The following LARS2 variants were observed in gnomAD, a reference collection of about 807,000 sequenced individuals.
LARS2 encodes the protein leucyl-tRNA synthetase 2, mitochondrial.
In LARS2, 81 loss-of-function variants were observed where a neutral mutation model predicts 116.6. The observed-to-expected ratio is 0.69, with a 90% CI of 0.58 to 0.84. The LOEUF (loss-of-function observed/expected upper bound fraction) is 0.84, where lower values mean the gene tolerates loss of function less well. Among genes scored for constraint, LARS2 ranks in the 40% least tolerant of loss-of-function variants. The pLI, the probability that LARS2 is intolerant of heterozygous loss-of-function variation, is 0.00. For synonymous variants in LARS2, 396 were observed against 407.2 expected, an observed-to-expected ratio of 0.97 and a Z score of 0.33; for missense variants, 968 against 1,114.5, an observed-to-expected ratio of 0.87 and a Z score of 1.87.
chr3:45,476,489 GA>G lies in LARS2; in HGVS notation c.884del (p.Lys295SerfsTer2). On this transcript the variant is annotated frameshift_variant, in exon 10 of 22. Coordinates refer to ENST00000645846, the MANE Select transcript of LARS2 (RefSeq NM_015340.4). LOFTEE classifies it high-confidence loss of function. ...TLKVHGQATG[E>X]KLTAYTATPE... ...CCAGGTTCATGGGCAAGCCACGGGC[GA>G]AAAGCTGACTGCCTATACGGCCACC... is the stretch of plus-strand genomic sequence containing the variant. The G allele has an allele frequency of 6.2e-7, 1 of 1,614,178 alleles. No homozygotes were observed. The highest frequency in any genetic ancestry group is 8.5e-7 in the Non-Finnish European group (1 of 1,180,014).
intron 7 of LARS2, 80 bp from the exon 8 acceptor site, chr3:45,458,663 G>GGCGACAGT: frequency 6.9e-7 from 1 of 1,458,034 alleles, no homozygotes. Context: ...CTCTAGCCCG[G>GGCGACAGT]GCGACAGTGC....
intron 9 of LARS2, among the ~76,000 whole-genome samples, chr3:45,474,823 C>T (rs1463123756): frequency 6.6e-6 from 1 of 152,096 alleles, no homozygotes; most frequent in East Asian, 1.9e-4. Context: ...GTCCATTACT[C>T]TCACTATAGT....
chr3:45,474,087 T>C (rs1699573864), intron 8 of LARS2, among the ~76,000 whole-genome samples, 156 bp from the exon 9 acceptor site: 1 of 152,216 alleles, frequency 6.6e-6, no homozygotes, highest in Non-Finnish European at 1.5e-5. Flanking sequence ...TTCTAACCTT[T>C]CCTGGCTTCC....
intron 14 of LARS2, among the ~76,000 whole-genome samples, chr3:45,500,125 C>G (rs535350026): frequency 8.9e-4 from 135 of 152,250 alleles, no homozygotes; most frequent in African/African-American, 2.6e-3. Context: ...CCTCAGCCTC[C>G]TGAGTAGTTG....
intron 10 of LARS2, among the ~76,000 whole-genome samples, 187 bp downstream of exon 10, chr3:45,476,814 C>T (rs1009173435): frequency 1.3e-5 from 2 of 152,102 alleles, no homozygotes; most frequent in African/African-American, 4.8e-5. Flanking sequence ...TTTTTATTAC[C>T]TCTGGTTTCT....
At position 45,508,391 on chromosome 3, in the gene LARS2, G is replaced by T. The variant is rs78463794; in HGVS notation, c.1761-4744G>T. ...TGCTGTATTAGTAAACCCTCCTTCT[G>T]CGCCACTAACTGGCTGCTAGGAAAT... is the stretch of plus-strand genomic sequence containing the variant. On this transcript the variant is annotated intron_variant, in intron 15 of 21. Coordinates refer to ENST00000645846, the MANE Select transcript of LARS2 (RefSeq NM_015340.4). Among the ~76,000 whole-genome samples the T allele has an allele frequency of 5.6e-3, 854 of 152,188 alleles. 7 individuals carry two copies. Among genetic ancestry groups the T allele is most frequent in the African/African-American group, 0.02 (823 of 41,544 alleles).
chr3:45,536,331 A>G (rs1700704451), intron 20 of LARS2, among the ~76,000 whole-genome samples: 1 of 151,674 alleles, frequency 6.6e-6, no homozygotes, highest in Non-Finnish European at 1.5e-5. Flanking sequence ...CTAGTCTTGA[A>G]CTCCTGGGCT....
At chr3:45,396,419 T>C (rs1276374113) in intron 3 of LARS2, among the ~76,000 whole-genome samples, 1 of 152,192 alleles carries the variant, frequency 6.6e-6, no homozygotes, top group Non-Finnish European at 1.5e-5. Context: ...TGAGAAAATG[T>C]GTGACAAAAT....
intron 5 of LARS2, among the ~76,000 whole-genome samples, 168 bp downstream of exon 5, chr3:45,417,741 A>G (rs1299637211): frequency 6.6e-6 from 1 of 152,216 alleles, no homozygotes; most frequent in Non-Finnish European, 1.5e-5. Context: ...TTGTATTCTT[A>G]TCTAAGAAAT....
intron 13 of LARS2, among the ~76,000 whole-genome samples, chr3:45,492,730 CA>C (rs1224426424): frequency 6.6e-6 from 1 of 152,188 alleles, no homozygotes; most frequent in Non-Finnish European, 1.5e-5. Flanking sequence ...CTAGAATTAA[CA>C]CATGTGATCC....
intron 4 of LARS2, among the ~76,000 whole-genome samples, chr3:45,402,770 C>T (rs1213958433): frequency 6.6e-6 from 1 of 151,970 alleles, no homozygotes; most frequent in African/African-American, 2.4e-5. Flanking sequence ...GTTATTTTTC[C>T]CAGATAACTG....
intron 20 of LARS2, among the ~76,000 whole-genome samples, chr3:45,533,175 G>C (rs1262741412): frequency 1.1e-5 from 1 of 91,820 alleles, no homozygotes; most frequent in Non-Finnish European, 2.0e-5. Flanking sequence ...TTTTGAGATG[G>C]AGTCTTGCTC....
intron 20 of LARS2, among the ~76,000 whole-genome samples, chr3:45,526,391 A>T (rs1700531435): frequency 6.6e-6 from 1 of 152,182 alleles, no homozygotes; most frequent in Non-Finnish European, 1.5e-5. Flanking sequence ...GTAATTAGAA[A>T]ACATAAAGAA....
At chr3:45,436,762 C>T (rs1280679423) in intron 6 of LARS2, among the ~76,000 whole-genome samples, 1 of 149,194 alleles carries the variant, frequency 6.7e-6, no homozygotes, top group African/African-American at 2.5e-5. Flanking sequence ...CCACTGCAGT[C>T]CGCAGTCCGG....
At chr3:45,448,336 T>G (rs1180214535) in intron 7 of LARS2, among the ~76,000 whole-genome samples, 1 of 152,194 alleles carries the variant, frequency 6.6e-6, no homozygotes, top group Non-Finnish European at 1.5e-5. Context: ...TGGTAGGGCC[T>G]GCTAGGTTGC....
At chr3:45,395,190 C>G (rs1698024413) in intron 3 of LARS2, among the ~76,000 whole-genome samples, 1 of 152,222 alleles carries the variant, frequency 6.6e-6, no homozygotes, top group Non-Finnish European at 1.5e-5. Context: ...CTGCCCCTTC[C>G]CTGGCAATCG....
At chr3:45,496,251 T>A (rs1380398666) in intron 13 of LARS2, 24 bp from the exon 14 acceptor site, 2 of 1,545,860 alleles carry the variant, frequency 1.3e-6, no homozygotes, top group Non-Finnish European at 1.8e-6. Context: ...AGAAACCAAT[T>A]GATGAATTTC....
intron 6 of LARS2, among the ~76,000 whole-genome samples, chr3:45,434,249 T>C (rs143538247): frequency 2.0e-5 from 3 of 152,330 alleles, no homozygotes; most frequent in Non-Finnish European, 4.4e-5. Flanking sequence ...GTTCCACATG[T>C]CCCTAAGCTC....
At position 45,548,849 on chromosome 3, in the gene LARS2, A is replaced by G. The variant is rs954623299; in HGVS notation, c.*1319A>G. 5 of 152,234 alleles carry G rather than the reference A, an allele frequency of 3.3e-5. No individual in the cohort carries two copies. Among genetic ancestry groups the G allele is most frequent in the Admixed American group, 6.5e-5 (1 of 15,288 alleles). 9.4% of individuals were successfully genotyped at this position (152,234 alleles called of 1,614,324 possible). A position where few individuals can be genotyped will look rare whatever the true frequency, so the allele number is the denominator to read the frequency against. On this transcript the variant is annotated 3_prime_UTR_variant, in exon 22 of 22. Transcript: ENST00000645846. The stretch of plus-strand genomic sequence containing the variant: ...TTTATCATCTATGACTTCAGGACAT[A>G]TGTGTGATCCTGGAATACACCATAT...
Sources: gnomAD v4.1 joint callset for allele counts (sites outside exome capture counted in the v4.1 genomes callset) on GRCh38, gnomAD v4.1.1 for gene constraint, MANE v1.5 for transcripts, NCBI Gene and HGNC (gene_info 2026-07-23, HGNC 2026-07-21) for gene names.